The following ATRNL1 variants were observed in gnomAD, a reference collection of about 807,000 sequenced individuals.
ATRNL1 encodes the protein attractin like 1, also known as attractin-like protein 1.
Under a neutral mutation model 182.7 loss-of-function variants are expected in ATRNL1, and 95 were observed. The observed-to-expected ratio is 0.52, with a 90% confidence interval of 0.44 to 0.62. The LOEUF (loss-of-function observed/expected upper bound fraction) is 0.62. Ranked by LOEUF, ATRNL1 falls within the 20% of genes least tolerant of loss-of-function variation. ATRNL1 has a pLI of 0.00. For missense variants in ATRNL1, 1,471 were observed against 1,679.5 expected, an observed-to-expected ratio of 0.88 and a Z score of 2.17; for synonymous variants, 576 against 568.3, an observed-to-expected ratio of 1.01 and a Z score of -0.19.
At chr10:115,426,041 C>A (rs1057016977) in intron 20 of ATRNL1, among the ~76,000 whole-genome samples, 1 of 151,886 alleles carries the variant, frequency 6.6e-6, no homozygotes, top group Non-Finnish European at 1.5e-5. Flanking sequence ...TTCACTATTT[C>A]ATCTCTCACT....
intron 27 of ATRNL1, among the ~76,000 whole-genome samples, chr10:115,735,954 G>T (rs926374974): frequency 1.6e-4 from 24 of 152,110 alleles, no homozygotes; most frequent in African/African-American, 5.8e-4. Context: ...AGAGAATCTA[G>T]CTTTTCTCTC....
chr10:115,513,785 G>A (rs1194005268), intron 24 of ATRNL1, among the ~76,000 whole-genome samples: 2 of 151,754 alleles, frequency 1.3e-5, no homozygotes, highest in Non-Finnish European at 2.9e-5. Flanking sequence ...GGAAAGTCTC[G>A]GGTGGAGGAA....
At chr10:115,671,580 A>G (rs527628471) in intron 26 of ATRNL1, among the ~76,000 whole-genome samples, 18 of 152,240 alleles carry the variant, frequency 1.2e-4, no homozygotes, top group Admixed American at 5.2e-4. Context: ...TCCTGAAGCT[A>G]TCTGAAAGAG....
chr10:115,285,716 C>A (rs782354887), intron 14 of ATRNL1, among the ~76,000 whole-genome samples: 15 of 152,114 alleles, frequency 9.9e-5, no homozygotes, highest in South Asian at 6.2e-4. Flanking sequence ...CTTCTCTACC[C>A]ATGCTTATGA....
chr10:115,927,828 A>G (rs1953280720), intron 28 of ATRNL1, among the ~76,000 whole-genome samples: 1 of 152,082 alleles, frequency 6.6e-6, no homozygotes, highest in African/African-American at 2.4e-5. Context: ...TTTTCATGTT[A>G]TGATTTAGCA....
intron 19 of ATRNL1, among the ~76,000 whole-genome samples, chr10:115,362,973 A>G (rs1355663685): frequency 2.9e-4 from 44 of 152,244 alleles, no homozygotes; most frequent in South Asian, 4.1e-4. Flanking sequence ...TAGTGCTGCA[A>G]TAAACATACG....
chr10:115,455,682 A>T (rs1847489808), intron 21 of ATRNL1, among the ~76,000 whole-genome samples: 1 of 152,152 alleles, frequency 6.6e-6, no homozygotes, highest in Non-Finnish European at 1.5e-5. Context: ...AGAAACTATC[A>T]CCAGAGTGAA....
At chr10:115,213,957 T>G (rs782544017) in intron 8 of ATRNL1, among the ~76,000 whole-genome samples, 3 of 151,506 alleles carry the variant, frequency 2.0e-5, no homozygotes, top group Non-Finnish European at 2.9e-5. Context: ...CTTAAAAAAG[T>G]AATAAATGGG....
At position 115,761,465 on chromosome 10, in the gene ATRNL1, A is replaced by T. The variant is rs1421597209; in HGVS notation, c.3903+34110A>T. Among the ~76,000 whole-genome samples, 6 of 5,154 alleles carry T rather than the reference A, an allele frequency of 1.2e-3. No individual in the cohort carries two copies. In the Non-Finnish European group the frequency reaches 0.028, roughly 24 times the overall value. 3.4% of individuals were successfully genotyped at this position (5,154 alleles called of 152,430 possible). ...GGTGGAGACACAAAAATCATAAATA[A>T]CTTCCCCCCCAGTTAAATATCGCTG... On this transcript the variant is annotated intron_variant, in intron 27 of 28. Coordinates refer to ENST00000355044, the MANE Select transcript of ATRNL1 (RefSeq NM_207303.4).
chr10:115,287,924 GTTTTTTTTTTTTT>G (rs11298663), intron 15 of ATRNL1, among the ~76,000 whole-genome samples: 17 of 91,020 alleles, frequency 1.9e-4, no homozygotes, highest in African/African-American at 7.2e-4. Context: ...AAGATCAACT[GTTTTTTTTTTTTT>G]TTTTTTTTTT....
chr10:115,227,021 A>AT (rs1849727556), intron 9 of ATRNL1, among the ~76,000 whole-genome samples: 1 of 152,034 alleles, frequency 6.6e-6, no homozygotes, highest in Non-Finnish European at 1.5e-5. Flanking sequence ...GGCCTTGATA[A>AT]TTTTTGGCTA....
intron 21 of ATRNL1, among the ~76,000 whole-genome samples, chr10:115,431,557 G>A (rs1156875082): frequency 2.0e-5 from 3 of 152,024 alleles, no homozygotes; most frequent in African/African-American, 7.2e-5. Flanking sequence ...AAATGTTACA[G>A]TTTTTCCCTG....
chr10:115,229,517 C>T (rs1032673087), intron 9 of ATRNL1, among the ~76,000 whole-genome samples: 1 of 151,714 alleles, frequency 6.6e-6, no homozygotes, highest in Non-Finnish European at 1.5e-5. Context: ...CTAAGTAGTT[C>T]TCAGTAAGGG....
chr10:115,594,400 G>A (rs1555013269), intron 26 of ATRNL1, among the ~76,000 whole-genome samples: 2 of 152,140 alleles, frequency 1.3e-5, no homozygotes, highest in African/African-American at 4.8e-5. Context: ...CTTGCTCAAG[G>A]ACTCAGAATT....
At chr10:115,350,758 T>C (rs1231809479) in intron 19 of ATRNL1, among the ~76,000 whole-genome samples, 1 of 152,160 alleles carries the variant, frequency 6.6e-6, no homozygotes, top group African/African-American at 2.4e-5. Flanking sequence ...CTGAGCCTTT[T>C]ATGGTTCAAT....
At chr10:115,415,785 T>C (rs1037636523) in intron 20 of ATRNL1, among the ~76,000 whole-genome samples, 1 of 151,954 alleles carries the variant, frequency 6.6e-6, no homozygotes, top group South Asian at 2.1e-4. Flanking sequence ...ACAATAGCTA[T>C]CAAGTTGTCT....
At chr10:115,291,818 T>G (rs1251837163) in intron 15 of ATRNL1, among the ~76,000 whole-genome samples, 5 of 151,636 alleles carry the variant, frequency 3.3e-5, no homozygotes, top group East Asian at 3.9e-4. Flanking sequence ...AGGTTTTTTT[T>G]TTTTTTTTTT....
At position 115,847,900 on chromosome 10, in the gene ATRNL1, T is replaced by C. The variant is rs367892792; in HGVS notation, c.3927T>C (p.Ile1309=). Residue 1309 remains isoleucine (I), a synonymous_variant, in exon 28 of 29, where the codon ATT becomes ATC. Transcript: ENST00000355044. The part of the protein sequence containing the change: ...PLEGAPKPIA[I]EPCAGNRAAV... ...AGGGGGCACCCAAGCCAATTGCCAT[T>C]GAACCATGTGCTGGGAACAGAGCTG... is the stretch of plus-strand genomic sequence containing the variant. 20 of 1,612,066 alleles carry C rather than the reference T, an allele frequency of 1.2e-5. No individual in the cohort carries two copies. The highest frequency in any genetic ancestry group is 1.7e-5 in the Non-Finnish European group (20 of 1,178,544).
intron 24 of ATRNL1, among the ~76,000 whole-genome samples, chr10:115,516,686 T>C (rs1209928878): frequency 6.6e-6 from 1 of 151,910 alleles, no homozygotes; most frequent in Non-Finnish European, 1.5e-5. Flanking sequence ...TTACAACTAC[T>C]CTGTCCTTTG....
Sources: gnomAD v4.1 joint callset for allele counts (sites outside exome capture counted in the v4.1 genomes callset) on GRCh38, gnomAD v4.1.1 for gene constraint, MANE v1.5 for transcripts, NCBI Gene and HGNC (gene_info 2026-07-23, HGNC 2026-07-21) for gene names.